LRRTM4: variants seen among roughly 807,000 people sequenced by gnomAD.
LRRTM4 encodes leucine-rich repeat transmembrane neuronal protein 4.
LRRTM4 carries 25 observed loss-of-function variants against 47.6 expected under a neutral mutation model. That is an observed-to-expected ratio of 0.53 (90% CI 0.38 to 0.73). The LOEUF (loss-of-function observed/expected upper bound fraction) is 0.73, where lower values mean the gene tolerates loss of function less well. Among genes scored for constraint, LRRTM4 ranks in the 30% least tolerant of loss-of-function variants. The pLI, the probability that LRRTM4 is intolerant of heterozygous loss-of-function variation, is 0.00. For missense variants in LRRTM4, 638 were observed against 713.4 expected (o/e 0.89, Z 1.20); for synonymous variants, 311 against 269.5 (o/e 1.15, Z -1.51).
intron 3 of LRRTM4, among the ~76,000 whole-genome samples, chr2:77,504,325 G>T (rs929274565): frequency 1.3e-5 from 2 of 151,462 alleles, no homozygotes; most frequent in Non-Finnish European, 3.0e-5. Flanking sequence ...GGCCCATAAA[G>T]TCTAAAATAT....
chr2:76,994,573 C>A (rs1182752164), intron 3 of LRRTM4, among the ~76,000 whole-genome samples: 1 of 151,852 alleles, frequency 6.6e-6, no homozygotes, highest in African/African-American at 2.4e-5. Context: ...GGCAGGCTAA[C>A]CTATTTGCTT....
intron 3 of LRRTM4, among the ~76,000 whole-genome samples, chr2:77,266,621 A>G (rs1409170580): frequency 6.6e-6 from 1 of 152,168 alleles, no homozygotes; most frequent in Non-Finnish European, 1.5e-5. Flanking sequence ...AAAAGGGCCT[A>G]TTAGTCCCAC....
chr2:77,484,180 T>C (rs1176739604), intron 3 of LRRTM4, among the ~76,000 whole-genome samples: 1 of 152,236 alleles, frequency 6.6e-6, no homozygotes, highest in Non-Finnish European at 1.5e-5. Flanking sequence ...GCAGTTTGTA[T>C]GTTTGAGACA....
At chr2:76,822,417 G>A (rs1185657298) in intron 3 of LRRTM4, among the ~76,000 whole-genome samples, 1 of 151,270 alleles carries the variant, frequency 6.6e-6, no homozygotes, top group African/African-American at 2.4e-5. Context: ...GAGGACAAGA[G>A]AGTAAAAAGA....
chr2:76,933,411 A>AT (rs201572040), intron 3 of LRRTM4, among the ~76,000 whole-genome samples: 2,220 of 151,022 alleles, frequency 0.015, 54 homozygotes, highest in East Asian at 0.086. Context: ...GCAGAGGTAT[A>AT]TTTTTTTTTA....
Position 76,873,504 on chromosome 2 carries a change from G to GTATATATATATATA in LRRTM4, c.1552-124589_1552-124588insTATATATATATATA, listed in dbSNP as rs1371189658. ...TATATGTGTGTGTGTATATATATGT[G>GTATATATATATATA]TGTATATATATATATATATATATAT... On this transcript the variant is annotated intron_variant, in intron 3 of 3. Coordinates refer to ENST00000409884, the MANE Select transcript of LRRTM4 (RefSeq NM_001134745.3). Among the ~76,000 whole-genome samples the GTATATATATATATA allele has an allele frequency of 1.5e-3, 110 of 73,184 alleles. 2 individuals carry two copies. The highest frequency in any genetic ancestry group is 4.3e-3 in the African/African-American group (102 of 23,688). The allele number at this position is 73,184 out of a possible 152,430, so 48.0% of individuals were successfully genotyped here. A position where few individuals can be genotyped will look rare whatever the true frequency, so the allele number is the denominator to read the frequency against.
chr2:77,037,432 C>T (rs1678874096), intron 3 of LRRTM4, among the ~76,000 whole-genome samples: 1 of 151,672 alleles, frequency 6.6e-6, no homozygotes, highest in Non-Finnish European at 1.5e-5. Flanking sequence ...ATTGCTTAAT[C>T]CTGCCATGCA....
At chr2:77,316,553 T>A (rs1363745985) in intron 3 of LRRTM4, among the ~76,000 whole-genome samples, 6 of 79,254 alleles carry the variant, frequency 7.6e-5, no homozygotes, top group African/African-American at 4.2e-4. Flanking sequence ...AATTGCTATC[T>A]TTTTTTTTTT....
At chr2:77,011,564 T>C (rs1677877183) in intron 3 of LRRTM4, among the ~76,000 whole-genome samples, 1 of 150,922 alleles carries the variant, frequency 6.6e-6, no homozygotes. Flanking sequence ...TGTGTGTGTG[T>C]GTGTGTGTGT....
intron 3 of LRRTM4, among the ~76,000 whole-genome samples, chr2:76,776,255 TC>T (rs1232944313): frequency 2.0e-5 from 3 of 152,194 alleles, no homozygotes; most frequent in African/African-American, 7.2e-5. Flanking sequence ...TGATTTATAA[TC>T]CTTTGGGTAT....
At chr2:76,768,189 T>C (rs749072011) in intron 3 of LRRTM4, among the ~76,000 whole-genome samples, 10 of 152,180 alleles carry the variant, frequency 6.6e-5, no homozygotes, top group Non-Finnish European at 1.5e-4. Flanking sequence ...AATGTTGCTA[T>C]TTGAAAGTAA....
intron 3 of LRRTM4, among the ~76,000 whole-genome samples, chr2:76,833,467 A>T (rs2103903227): frequency 6.6e-6 from 1 of 152,226 alleles, no homozygotes; most frequent in African/African-American, 2.4e-5. Flanking sequence ...CCTAATATAC[A>T]ACAGTTTTCA....
At chr2:77,023,970 T>A (rs2104112360) in intron 3 of LRRTM4, among the ~76,000 whole-genome samples, 1 of 152,274 alleles carries the variant, frequency 6.6e-6, no homozygotes, top group Admixed American at 6.5e-5. Context: ...AAAAAAAGAT[T>A]AATTGGACTT....
chr2:77,120,136 C>T (rs1388628310), intron 3 of LRRTM4, among the ~76,000 whole-genome samples: 1 of 151,694 alleles, frequency 6.6e-6, no homozygotes, highest in Non-Finnish European at 1.5e-5. Flanking sequence ...AAGGTAGGAG[C>T]TATAAGATTG....
chr2:76,781,052 G>T (rs1342077029), intron 3 of LRRTM4, among the ~76,000 whole-genome samples: 1 of 151,634 alleles, frequency 6.6e-6, no homozygotes, highest in Non-Finnish European at 1.5e-5. Context: ...GCTTGGGGGT[G>T]CCTCCCAGTT....
chr2:77,502,394 A>G lies in LRRTM4; in HGVS notation c.1551+15924T>C, dbSNP rs186388354. 4.6e-5 allele frequency among the ~76,000 whole-genome samples: 7 copies of G among 151,598 alleles called. No individual in the cohort carries two copies. The East Asian group carries it at 1.4e-3, about 29-fold the overall frequency. ...TGAGAGAAAAAATTTATATTAAAAA[A>G]CTGGGCCACACAAAACTGTATACCG... On this transcript the variant is annotated intron_variant, in intron 3 of 3. Coordinates refer to ENST00000409884, the MANE Select transcript of LRRTM4 (RefSeq NM_001134745.3).
intron 3 of LRRTM4, among the ~76,000 whole-genome samples, chr2:76,910,540 C>A (rs573234899): frequency 6.6e-6 from 1 of 151,990 alleles, no homozygotes; most frequent in Non-Finnish European, 1.5e-5. Flanking sequence ...ACCATTATTA[C>A]GAAGAAATAT....
intron 3 of LRRTM4, among the ~76,000 whole-genome samples, chr2:77,333,577 G>A (rs1671047980): frequency 6.6e-6 from 1 of 152,158 alleles, no homozygotes; most frequent in African/African-American, 2.4e-5. Context: ...TGAGACTGTG[G>A]GTGCAGAGAA....
intron 3 of LRRTM4, among the ~76,000 whole-genome samples, chr2:77,370,247 A>T (rs114301003): frequency 0.018 from 2,687 of 151,570 alleles, 32 homozygotes; most frequent in Non-Finnish European, 0.028. Context: ...AGAGAGATGG[A>T]CTCCCCTAAG....
Sources: allele counts gnomAD v4.1 joint callset (sites outside exome capture counted in the v4.1 genomes callset), GRCh38; gene constraint gnomAD v4.1.1; transcripts MANE v1.5; gene names NCBI Gene and HGNC (gene_info 2026-07-23, HGNC 2026-07-21).